EXTL3: variants seen among roughly 807,000 people sequenced by gnomAD.
EXTL3 encodes exostosin like glycosyltransferase 3.
A neutral mutation model predicts 69.3 loss-of-function variants in EXTL3; 27 were observed. The ratio of observed to expected loss-of-function variants is 0.39; its 90% CI spans 0.29 to 0.54. The LOEUF (loss-of-function observed/expected upper bound fraction) is 0.54. EXTL3 is among the 20% of genes least tolerant of loss of function. EXTL3 has a pLI of 0.69. For synonymous variants in EXTL3, 511 were observed against 499.4 expected, an observed-to-expected ratio of 1.02 and a Z score of -0.31; for missense variants, 1,003 against 1,231.8, an observed-to-expected ratio of 0.81 and a Z score of 2.78.
chr8:28,747,810 C>A (rs929306949), intron 6 of EXTL3, among the ~76,000 whole-genome samples: 4 of 148,750 alleles, frequency 2.7e-5, no homozygotes, highest in African/African-American at 4.9e-5. Context: ...GTCACTGCAA[C>A]CTCTGCCTCC....
At chr8:28,643,417 TC>T (rs1806775360) in intron 1 of EXTL3, among the ~76,000 whole-genome samples, 1 of 136,200 alleles carries the variant, frequency 7.3e-6, no homozygotes, top group African/African-American at 3.0e-5. Flanking sequence ...TCTTTTTTTT[TC>T]TTTTTTTCTT....
chr8:28,645,843 TA>T (rs1053416407), intron 1 of EXTL3, among the ~76,000 whole-genome samples: 2 of 133,226 alleles, frequency 1.5e-5, no homozygotes, highest in African/African-American at 6.0e-5. Flanking sequence ...TTTTTTTTTT[TA>T]AAGTTATTCT....
intron 1 of EXTL3, among the ~76,000 whole-genome samples, chr8:28,695,680 C>T (rs908609914): frequency 6.6e-6 from 1 of 152,170 alleles, no homozygotes; most frequent in Non-Finnish European, 1.5e-5. Flanking sequence ...GTTACAGTGA[C>T]CTGTTCCCAC....
intron 2 of EXTL3, among the ~76,000 whole-genome samples, chr8:28,608,916 A>G (rs193076682): frequency 6.6e-6 from 1 of 152,246 alleles, no homozygotes; most frequent in Non-Finnish European, 1.5e-5. Context: ...CAAAGAAATA[A>G]CCAAGAAAAT....
At chr8:28,708,888 A>G (rs545281964) in intron 1 of EXTL3, among the ~76,000 whole-genome samples, 6 of 152,320 alleles carry the variant, frequency 3.9e-5, no homozygotes, top group Non-Finnish European at 7.4e-5. Context: ...TGAGTCTGCT[A>G]TTCTCTTTAG....
rs891284415 is a variant in EXTL3, at chr8:28,718,205, A to G, written c.2146A>G (p.Met716Val). Residue 716 changes from methionine (M) to valine (V), a missense_variant and splice_region_variant, in exon 3 of 7, where the codon ATG becomes GTG. Coordinates refer to ENST00000220562, the MANE Select transcript of EXTL3 (RefSeq NM_001440.4). ...LLWPDIGVPI[M>V]VVRTEKNSLN... Reference sequence around the variant, plus strand: ...GTGGCCTGACATTGGCGTCCCCATCATGGTAATAGAGAAACGAACAGTTCG... The same window carrying G: ...GTGGCCTGACATTGGCGTCCCCATCGTGGTAATAGAGAAACGAACAGTTCG... The G allele has an allele frequency of 1.2e-6, 2 of 1,613,828 alleles. No homozygotes were observed. Among genetic ancestry groups the G allele is most frequent in the African/African-American group, 1.3e-5 (1 of 74,916 alleles).
Position 28,638,547 on chromosome 8 carries a change from GACCCAGTCCTTTT to G in EXTL3, c.-53+15752_-53+15764del, listed in dbSNP as rs943661125. On this transcript the variant is annotated intron_variant, in intron 1 of 6. Coordinates refer to the EXTL3 transcript ENST00000523149. ...ATGCCTGCCAGCATCTCCAAGCTGA[GACCCAGTCCTTTT>G]ACCCAGTCCTTTTAGCAAACACAAG... Among the ~76,000 whole-genome samples the G allele has an allele frequency of 2.0e-4, 31 of 152,284 alleles. No homozygotes were observed. The South Asian group carries it at 2.9e-3, about 14-fold the overall frequency.
chr8:28,710,297 C>G (rs1801007490), intron 1 of EXTL3: 2 of 326,708 alleles, frequency 6.1e-6, no homozygotes, highest in Non-Finnish European at 1.2e-5. Context: ...CTAAGCGAAG[C>G]TCATTGGCAA....
chr8:28,707,112 T>C (rs528321119), intron 1 of EXTL3, among the ~76,000 whole-genome samples: 1 of 152,324 alleles, frequency 6.6e-6, no homozygotes, highest in Non-Finnish European at 1.5e-5. Flanking sequence ...TATTGAAAAA[T>C]GTAATGAGGT....
intron 3 of EXTL3, among the ~76,000 whole-genome samples, chr8:28,719,465 T>G (rs962361595): frequency 6.6e-6 from 1 of 152,240 alleles, no homozygotes; most frequent in Non-Finnish European, 1.5e-5. Context: ...ACATCATTTC[T>G]GTTTGTGTCA....
chr8:28,711,456 C>T (rs1244317485), intron 1 of EXTL3, among the ~76,000 whole-genome samples: 1 of 152,054 alleles, frequency 6.6e-6, no homozygotes, highest in East Asian at 1.9e-4. Flanking sequence ...GCCATGTTCC[C>T]ATTTTTTTTT....
chr8:28,677,351 C>T (rs1221441411), intron 1 of EXTL3, among the ~76,000 whole-genome samples: 1 of 152,014 alleles, frequency 6.6e-6, no homozygotes, highest in African/African-American at 2.4e-5. Context: ...CTTTCTGACT[C>T]CCCCACTGTG....
chr8:28,657,206 G>T (rs892858669), intron 1 of EXTL3, among the ~76,000 whole-genome samples: 1 of 152,146 alleles, frequency 6.6e-6, no homozygotes, highest in African/African-American at 2.4e-5. Flanking sequence ...GCCTCCCAAA[G>T]TGCTGAAATT....
chr8:28,662,055 A>G (rs1028650826), intron 1 of EXTL3, among the ~76,000 whole-genome samples: 9 of 151,832 alleles, frequency 5.9e-5, no homozygotes, highest in Admixed American at 2.0e-4. Context: ...ATGTGTATAG[A>G]TGTATGTGTA....
At chr8:28,721,083 C>CT (rs1351746948) in intron 3 of EXTL3, among the ~76,000 whole-genome samples, 1 of 152,036 alleles carries the variant, frequency 6.6e-6, no homozygotes, top group African/African-American at 2.4e-5. Flanking sequence ...GAAATTTTTT[C>CT]TTTGTATTTG....
At chr8:28,648,593 C>T (rs1206042797) in intron 1 of EXTL3, among the ~76,000 whole-genome samples, 2 of 152,112 alleles carry the variant, frequency 1.3e-5, no homozygotes, top group East Asian at 3.8e-4. Flanking sequence ...CATGAACACC[C>T]ACTATGCACC....
At chr8:28,608,396 T>C (rs1196501357) in intron 2 of EXTL3, among the ~76,000 whole-genome samples, 1 of 152,118 alleles carries the variant, frequency 6.6e-6, no homozygotes, top group African/African-American at 2.4e-5. Flanking sequence ...GCTCTCCACT[T>C]TACTACTAGT....
chr8:28,669,079 G>T (rs982066780), intron 1 of EXTL3, among the ~76,000 whole-genome samples: 5 of 151,974 alleles, frequency 3.3e-5, no homozygotes, highest in African/African-American at 4.8e-5. Flanking sequence ...GGCCAGGCTG[G>T]TCTCAAACTC....
upstream of EXTL3, among the ~76,000 whole-genome samples, chr8:28,622,055 C>G (rs1008479381): frequency 9.2e-5 from 14 of 152,218 alleles, no homozygotes; most frequent in Non-Finnish European, 1.9e-4. Context: ...ATTTTAGCCC[C>G]TGTCACACAG....
Sources: gnomAD v4.1 joint callset for allele counts (sites outside exome capture counted in the v4.1 genomes callset) on GRCh38, gnomAD v4.1.1 for gene constraint, MANE v1.5 for transcripts, NCBI Gene and HGNC (gene_info 2026-07-23, HGNC 2026-07-21) for gene names.